The following CAP2 variants were observed in gnomAD, a reference collection of about 807,000 sequenced individuals.
CAP2 encodes cyclase associated actin cytoskeleton regulatory protein 2, also known as adenylyl cyclase-associated protein 2.
A neutral mutation model predicts 57.7 loss-of-function variants in CAP2; 24 were observed. The ratio of observed to expected loss-of-function variants is 0.42; its 90% CI spans 0.30 to 0.58. The LOEUF (loss-of-function observed/expected upper bound fraction) is 0.58, where lower values mean the gene tolerates loss of function less well. CAP2 is among the 20% of genes least tolerant of loss of function. The pLI is 0.22. For missense variants in CAP2, 501 were observed against 590.3 expected (o/e 0.85, Z 1.57); for synonymous variants, 194 against 207.2 (o/e 0.94, Z 0.55).
chr6:17,435,100 A>G (rs1759837032), intron 3 of CAP2, among the ~76,000 whole-genome samples: 1 of 116,974 alleles, frequency 8.5e-6, no homozygotes, highest in African/African-American at 3.2e-5. Context: ...AAACTAGTTC[A>G]ACCATTGTGG....
At chr6:17,420,287 A>G (rs932058989) in intron 1 of CAP2, among the ~76,000 whole-genome samples, 1 of 152,214 alleles carries the variant, frequency 6.6e-6, no homozygotes, top group Non-Finnish European at 1.5e-5. Flanking sequence ...CTAAGACTAA[A>G]TTTTGCTTAA....
In CAP2 at chr6:17,428,166, C is replaced by T. The variant is rs568068983; in HGVS notation, c.222+1476C>T. Among the ~76,000 whole-genome samples, 7 of 152,246 alleles carry T rather than the reference C, an allele frequency of 4.6e-5. No individual in the cohort carries two copies. In the South Asian group the frequency reaches 1.5e-3, roughly 32 times the overall value. The stretch of plus-strand genomic sequence containing the variant: ...TCTTACTATAATTTTGAACAAAGTA[C>T]AGCCTGAGGAAAAGCAAAAACACAG... On this transcript the variant is annotated intron_variant, in intron 3 of 12. Coordinates refer to ENST00000229922, the MANE Select transcript of CAP2 (RefSeq NM_006366.3).
rs1561829100 is a variant in CAP2 at position 17,556,874 on chromosome 6, T to C, written c.*432T>C. On this transcript the variant is annotated 3_prime_UTR_variant, in exon 13 of 13. Transcript: ENST00000229922. ...TTTCAATATAATGTAGAAGTAGTAG[T>C]GTGCCCTGAAAAATGTACACGTTTT... 1 of 162,718 alleles carries C rather than the reference T, an allele frequency of 6.1e-6. No individual in the cohort carries two copies. Among genetic ancestry groups the C allele is most frequent in the East Asian group, 1.7e-4 (1 of 5,802 alleles). The allele number at this position is 162,718 out of a possible 1,614,324, so 10.1% of individuals were successfully genotyped here.
intron 3 of CAP2, among the ~76,000 whole-genome samples, chr6:17,451,243 A>G (rs1561788178): frequency 7.4e-6 from 1 of 135,330 alleles, no homozygotes; most frequent in Non-Finnish European, 1.5e-5. Context: ...AAAAAAAAAA[A>G]TAATAATAAT....
At chr6:17,453,043 C>A (rs778843400) in intron 3 of CAP2, among the ~76,000 whole-genome samples, 2 of 152,170 alleles carry the variant, frequency 1.3e-5, no homozygotes, top group Non-Finnish European at 2.9e-5. Context: ...ACTTATAAAT[C>A]AACATTGGTT....
At chr6:17,432,056 C>T (rs141386372) in intron 3 of CAP2, among the ~76,000 whole-genome samples, 46 of 152,212 alleles carry the variant, frequency 3.0e-4, no homozygotes, top group South Asian at 1.5e-3. Flanking sequence ...TGAAAGGACC[C>T]GGAGGCCTCT....
intron 4 of CAP2, among the ~76,000 whole-genome samples, chr6:17,477,023 C>G (rs1761166115): frequency 2.6e-5 from 4 of 151,904 alleles, no homozygotes; most frequent in Admixed American, 2.6e-4. Context: ...AGGTGTGTAG[C>G]CACTCCCAGC....
intron 7 of CAP2, among the ~76,000 whole-genome samples, chr6:17,534,976 G>A (rs566574252): frequency 2.0e-5 from 3 of 152,270 alleles, no homozygotes; most frequent in South Asian, 4.1e-4. Flanking sequence ...CAAGAGGCCA[G>A]TTTCTAGAAG....
At chr6:17,460,589 C>A (rs1581537463) in intron 3 of CAP2, among the ~76,000 whole-genome samples, 1 of 152,244 alleles carries the variant, frequency 6.6e-6, no homozygotes, top group South Asian at 2.1e-4. Context: ...TATAACATGT[C>A]ATTTTAGAGT....
At chr6:17,394,171 G>A (rs927759452) in intron 1 of CAP2, among the ~76,000 whole-genome samples, 1 of 151,484 alleles carries the variant, frequency 6.6e-6, no homozygotes, top group African/African-American at 2.4e-5. Context: ...AGGGGGGTGG[G>A]GGTGGGAGTC....
At chr6:17,543,659 C>A (rs1157880962) in intron 11 of CAP2, among the ~76,000 whole-genome samples, 1 of 151,110 alleles carries the variant, frequency 6.6e-6, no homozygotes, top group Non-Finnish European at 1.5e-5. Context: ...AGGAGCCTTG[C>A]TCCCCCATGG....
intron 3 of CAP2, among the ~76,000 whole-genome samples, chr6:17,452,937 T>A (rs532396862): frequency 2.6e-5 from 4 of 152,084 alleles, no homozygotes; most frequent in East Asian, 3.9e-4. Context: ...TTTCTAGTTT[T>A]AAAAAAAAGT....
At chr6:17,457,191 T>C (rs193201845) in intron 3 of CAP2, among the ~76,000 whole-genome samples, 1 of 152,336 alleles carries the variant, frequency 6.6e-6, no homozygotes, top group African/African-American at 2.4e-5. Flanking sequence ...TGCACACACA[T>C]GCTCACAGGC....
chr6:17,408,392 A>AG lies in CAP2; in HGVS notation c.-1-13162dup, dbSNP rs1387741329. Among the ~76,000 whole-genome samples the AG allele has an allele frequency of 2.0e-5, 3 of 152,260 alleles. No homozygotes were observed. The East Asian group carries it at 5.8e-4, about 29-fold the overall frequency. ...AACCAGCTCTCCTGGGAACGAATAGAGCAAGAATTCACTCTTGTGAGAATG... is the reference window on the plus strand; with the variant it reads ...AACCAGCTCTCCTGGGAACGAATAGAGGCAAGAATTCACTCTTGTGAGAATG... On this transcript the variant is annotated intron_variant, in intron 1 of 12. Coordinates refer to ENST00000229922, the MANE Select transcript of CAP2 (RefSeq NM_006366.3).
chr6:17,460,217 T>C (rs533008919), intron 3 of CAP2, among the ~76,000 whole-genome samples: 1 of 152,234 alleles, frequency 6.6e-6, no homozygotes, highest in Admixed American at 6.5e-5. Flanking sequence ...TTATATCCCA[T>C]CAAGATCTTG....
At chr6:17,503,220 G>C (rs1026660042) in intron 4 of CAP2, among the ~76,000 whole-genome samples, 4 of 152,138 alleles carry the variant, frequency 2.6e-5, no homozygotes, top group Non-Finnish European at 5.9e-5. Context: ...TCACAGTTCT[G>C]GAGGCTGGAA....
chr6:17,438,440 T>TTTTG lies in CAP2; in HGVS notation c.222+11753_222+11754insGTTT, dbSNP rs1561783600. Among the ~76,000 whole-genome samples the TTTTG allele has an allele frequency of 1.0e-4, 13 of 125,676 alleles. No homozygotes were observed. The East Asian group carries it at 2.4e-3, about 23-fold the overall frequency. The allele number at this position is 125,676 out of a possible 152,430, so 82.4% of individuals were successfully genotyped here. A position where few individuals can be genotyped will look rare whatever the true frequency, so the allele number is the denominator to read the frequency against. On this transcript the variant is annotated intron_variant, in intron 3 of 12. Coordinates refer to ENST00000229922, the MANE Select transcript of CAP2 (RefSeq NM_006366.3). ...GTTTGACCATCCAGAAGTGTTTTTT[T>TTTTG]TTTTTTTTTTTTTTTTGAGACGGAA... is the stretch of plus-strand genomic sequence containing the variant.
At chr6:17,423,760 T>C (rs1326568692) in intron 2 of CAP2, among the ~76,000 whole-genome samples, 2 of 152,214 alleles carry the variant, frequency 1.3e-5, no homozygotes, top group Non-Finnish European at 2.9e-5. Context: ...AATTAAATTA[T>C]TTAAATTATT....
chr6:17,471,865 C>T (rs1199489273), intron 4 of CAP2, among the ~76,000 whole-genome samples: 8 of 151,994 alleles, frequency 5.3e-5, no homozygotes, highest in Admixed American at 3.9e-4. Flanking sequence ...CTTTGTATCA[C>T]GCTTAGTTAT....
Sources: gnomAD v4.1 joint callset for allele counts (sites outside exome capture counted in the v4.1 genomes callset) on GRCh38, gnomAD v4.1.1 for gene constraint, MANE v1.5 for transcripts, NCBI Gene and HGNC (gene_info 2026-07-23, HGNC 2026-07-21) for gene names.